Variants in FAM135B observed in about 807,000 individuals in gnomAD.
FAM135B encodes the protein family with sequence similarity 135 member B.
FAM135B carries 43 observed loss-of-function variants against 127.7 expected under a neutral mutation model. That is an observed-to-expected ratio of 0.34 (90% CI 0.26 to 0.43). The LOEUF (loss-of-function observed/expected upper bound fraction) is 0.43. FAM135B is among the 20% of genes least tolerant of loss of function. The probability of loss-of-function intolerance (pLI) is 1.00; values close to 1 mark genes in which losing one functional copy is unlikely to be tolerated. For missense variants in FAM135B, 1,558 were observed against 1,725.6 expected, an observed-to-expected ratio of 0.90 and a Z score of 1.72; for synonymous variants, 670 against 665.1, an observed-to-expected ratio of 1.01 and a Z score of -0.11.
chr8:138,463,085 A>C (rs976204299), intron 1 of FAM135B, among the ~76,000 whole-genome samples: 5 of 152,232 alleles, frequency 3.3e-5, no homozygotes, highest in Admixed American at 2.0e-4. Flanking sequence ...TGTGTTAATA[A>C]ATAAAACTGA....
At chr8:138,410,227 T>C (rs961386425) in intron 1 of FAM135B, among the ~76,000 whole-genome samples, 2 of 152,186 alleles carry the variant, frequency 1.3e-5, no homozygotes, top group Non-Finnish European at 2.9e-5. Flanking sequence ...AAGTCCTTGG[T>C]GGCATAAAAT....
chr8:138,350,305 A>G (rs1829690501), intron 2 of FAM135B, among the ~76,000 whole-genome samples: 1 of 152,208 alleles, frequency 6.6e-6, no homozygotes, highest in Non-Finnish European at 1.5e-5. Flanking sequence ...CCATGCCGTT[A>G]TTCAAAAGGA....
chr8:138,313,628 C>T (rs1355451933), intron 2 of FAM135B, among the ~76,000 whole-genome samples: 1 of 150,158 alleles, frequency 6.7e-6, no homozygotes, highest in African/African-American at 2.5e-5. Context: ...TTCGGCTCCC[C>T]AAAGTGCTGG....
chr8:138,377,405 A>T (rs1274132261), intron 1 of FAM135B, among the ~76,000 whole-genome samples: 1 of 152,172 alleles, frequency 6.6e-6, no homozygotes, highest in African/African-American at 2.4e-5. Flanking sequence ...ATAATTTACA[A>T]AGAACAGAAG....
At chr8:138,436,132 A>G (rs1474283028) in intron 1 of FAM135B, among the ~76,000 whole-genome samples, 1 of 152,218 alleles carries the variant, frequency 6.6e-6, no homozygotes, top group Non-Finnish European at 1.5e-5. Flanking sequence ...TACAGGGAAT[A>G]TGCAATTTAA....
chr8:138,417,477 TC>T (rs980732106), intron 1 of FAM135B, among the ~76,000 whole-genome samples: 3 of 151,940 alleles, frequency 2.0e-5, no homozygotes, highest in African/African-American at 7.3e-5. Context: ...GCCCACAATC[TC>T]CCCTGGCTGC....
intron 1 of FAM135B, among the ~76,000 whole-genome samples, chr8:138,471,873 G>A (rs1837695026): frequency 6.6e-6 from 1 of 152,038 alleles, no homozygotes; most frequent in South Asian, 2.1e-4. Flanking sequence ...ACAGATAGGA[G>A]GAAATTGAGG....
In FAM135B at chr8:138,229,688, C is replaced by T. The variant is rs546713178; in HGVS notation, c.669+13254G>A. 3.9e-5 allele frequency among the ~76,000 whole-genome samples: 6 copies of T among 152,114 alleles called. No homozygotes were observed. The East Asian group carries it at 5.8e-4, about 15-fold the overall frequency. On this transcript the variant is annotated intron_variant, in intron 7 of 19. Transcript: ENST00000395297. ...TCTCATGCTGCTATAAAGAACTGCC[C>T]GAGACTGGGTAATTGAGAAAGGAAA...
chr8:138,199,454 T>C (rs1816932185), intron 7 of FAM135B, among the ~76,000 whole-genome samples: 1 of 152,124 alleles, frequency 6.6e-6, no homozygotes, highest in Non-Finnish European at 1.5e-5. Context: ...GTCCTGCAGG[T>C]ACAACGGAGA....
chr8:138,470,325 C>T (rs1387463280), intron 1 of FAM135B, among the ~76,000 whole-genome samples: 2 of 152,146 alleles, frequency 1.3e-5, no homozygotes, highest in African/African-American at 4.8e-5. Flanking sequence ...CACCCATATA[C>T]ACAGACATAG....
intron 2 of FAM135B, among the ~76,000 whole-genome samples, chr8:138,357,678 C>G (rs1483966317): frequency 6.6e-6 from 1 of 151,734 alleles, no homozygotes; most frequent in Non-Finnish European, 1.5e-5. Context: ...GAAAAAAAAA[C>G]AAGAGCAGTG....
At chr8:138,224,975 T>C (rs1819304686) in intron 7 of FAM135B, among the ~76,000 whole-genome samples, 1 of 152,186 alleles carries the variant, frequency 6.6e-6, no homozygotes, top group African/African-American at 2.4e-5. Flanking sequence ...GGTTCAAGGA[T>C]AACAAAGTTT....
chr8:138,384,973 T>C (rs893051144), intron 1 of FAM135B, among the ~76,000 whole-genome samples: 5 of 152,158 alleles, frequency 3.3e-5, no homozygotes, highest in Non-Finnish European at 5.9e-5. Context: ...ATGAGTTTCA[T>C]GCCCTCACAT....
At chr8:138,490,958 C>T (rs551249543) in intron 1 of FAM135B, among the ~76,000 whole-genome samples, 4 of 151,896 alleles carry the variant, frequency 2.6e-5, no homozygotes, top group Admixed American at 6.6e-5. Flanking sequence ...GCCTGACCAA[C>T]GTGGTGAAAC....
intron 3 of FAM135B, among the ~76,000 whole-genome samples, chr8:138,272,627 GT>G (rs1234953717): frequency 6.6e-6 from 1 of 152,240 alleles, no homozygotes; most frequent in East Asian, 1.9e-4. Flanking sequence ...AATAAGCCCA[GT>G]AAGGCCAGCA....
chr8:138,452,124 C>CTTTT (rs1158033996), intron 1 of FAM135B, among the ~76,000 whole-genome samples: 92 of 104,162 alleles, frequency 8.8e-4, no homozygotes, highest in Non-Finnish European at 1.1e-3. Flanking sequence ...ACCCAATCTG[C>CTTTT]TTTTTTTTTT....
At position 138,407,934 on chromosome 8, in the gene FAM135B, C is replaced by T. The variant is rs965249595; in HGVS notation, c.-19-39932G>A. ...GGAGTAGTAATATTCTTAGAGGAAT[C>T]TTTTTTTACTTTCTGAGCCGTAGGT... On this transcript the variant is annotated intron_variant, in intron 1 of 19. Transcript: ENST00000395297. Among the ~76,000 whole-genome samples, 13 of 152,154 alleles carry T rather than the reference C, an allele frequency of 8.5e-5. 1 individual carries two copies. The highest frequency in any genetic ancestry group is 1.5e-4 in the Non-Finnish European group (10 of 68,032).
intron 6 of FAM135B, among the ~76,000 whole-genome samples, chr8:138,248,245 T>C (rs757252524): frequency 6.6e-6 from 1 of 152,178 alleles, no homozygotes; most frequent in African/African-American, 2.4e-5. Flanking sequence ...CTAAAAACCA[T>C]CCCTTTAATT....
chr8:138,146,089 T>C, intron 14 of FAM135B, 39 bp from the exon 15 acceptor site: 3 of 1,039,742 alleles, frequency 2.9e-6, no homozygotes, highest in Non-Finnish European at 4.4e-6. Flanking sequence ...GTCCCGTAGT[T>C]AGTCATATAA....
Sources: gnomAD v4.1 joint callset for allele counts (sites outside exome capture counted in the v4.1 genomes callset) on GRCh38, gnomAD v4.1.1 for gene constraint, MANE v1.5 for transcripts, NCBI Gene and HGNC (gene_info 2026-07-23, HGNC 2026-07-21) for gene names.